Variants in IGF1R observed in about 807,000 individuals in gnomAD.
IGF1R encodes insulin like growth factor 1 receptor.
Under a neutral mutation model 144.6 loss-of-function variants are expected in IGF1R, and 44 were observed. The observed-to-expected ratio is 0.30, with a 90% confidence interval of 0.24 to 0.39. The LOEUF (loss-of-function observed/expected upper bound fraction) is 0.39. Among genes scored for constraint, IGF1R ranks in the 10% least tolerant of loss-of-function variants. The pLI, the probability that IGF1R is intolerant of heterozygous loss-of-function variation, is 1.00. For missense variants in IGF1R, 1,355 were observed against 1,833.7 expected (o/e 0.74, Z 4.77); for synonymous variants, 795 against 722.8 (o/e 1.10, Z -1.60).
intron 1 of IGF1R, among the ~76,000 whole-genome samples, chr15:98,688,940 G>C (rs1413353116): frequency 6.6e-6 from 1 of 152,174 alleles, no homozygotes; most frequent in African/African-American, 2.4e-5. Flanking sequence ...TGGGTTCTCA[G>C]ATGGCCTGAT....
intron 6 of IGF1R, among the ~76,000 whole-genome samples, chr15:98,909,559 C>T (rs1202326593): frequency 1.3e-5 from 2 of 152,150 alleles, no homozygotes; most frequent in Non-Finnish European, 2.9e-5. Flanking sequence ...ATGCCCTGTC[C>T]GATTATTTTT....
Position 98,963,213 on chromosome 15 carries a change from ATT to A in IGF1R, c.*5788_*5789del, listed in dbSNP as rs35151840. On this transcript the variant is annotated 3_prime_UTR_variant, in exon 21 of 21. Coordinates refer to ENST00000650285, the MANE Select transcript of IGF1R (RefSeq NM_000875.5). ...GTGTGCAAATGTGTGTTTGTGATCC[ATT>A]TTTTTTTTTTTTTTTTAGGACACCT... The A allele has an allele frequency of 0.28, 59,141 of 207,938 alleles. 3,605 individuals carry two copies. The highest frequency in any genetic ancestry group is 0.43 in the East Asian group (6,559 of 15,328). 12.9% of individuals were successfully genotyped at this position (207,938 alleles called of 1,614,324 possible).
At position 98,911,329 on chromosome 15, in the gene IGF1R, C is replaced by T. The variant is rs1450349295; in HGVS notation, c.1477C>T (p.Leu493=). 1.2e-6 allele frequency: 2 copies of T among 1,614,118 alleles called. No individual in the cohort carries two copies. Among genetic ancestry groups the T allele is most frequent in the South Asian group, 2.2e-5 (2 of 91,080 alleles). The change falls in exon 7 of 21, where the codon CTG becomes TTG. Residue 493 remains leucine, a synonymous_variant. Transcript: ENST00000650285. ...GERASCESDV[L]HFTSTTTSKN... is the part of the protein sequence containing the mutation. ...CTTTGCCCCAGGTGAAAGTGACGTC[C>T]TGCATTTCACCTCCACCACCACGTC... is the stretch of plus-strand genomic sequence containing the variant.
At chr15:98,874,425 A>C (rs1047058362) in intron 2 of IGF1R, among the ~76,000 whole-genome samples, 1 of 152,208 alleles carries the variant, frequency 6.6e-6, no homozygotes, top group Admixed American at 6.5e-5. Context: ...AGGGCAGTCC[A>C]TTTCAACATT....
chr15:98,668,715 G>A (rs578208195), intron 1 of IGF1R, among the ~76,000 whole-genome samples: 7 of 152,260 alleles, frequency 4.6e-5, no homozygotes, highest in African/African-American at 1.4e-4. Context: ...TCTGTTCCAT[G>A]TAAGTACATT....
intron 1 of IGF1R, among the ~76,000 whole-genome samples, chr15:98,685,189 C>G (rs2053295644): frequency 6.6e-6 from 1 of 152,146 alleles, no homozygotes; most frequent in Non-Finnish European, 1.5e-5. Context: ...AAGCAGTCCT[C>G]TCCCTCCAGC....
chr15:98,898,251 C>G (rs979516266), intron 4 of IGF1R, among the ~76,000 whole-genome samples: 1 of 152,198 alleles, frequency 6.6e-6, no homozygotes, highest in Non-Finnish European at 1.5e-5. Context: ...CTTTTGAGTG[C>G]CTAAACTTTT....
intron 2 of IGF1R, among the ~76,000 whole-genome samples, chr15:98,873,023 A>G (rs2012867356): frequency 1.3e-5 from 2 of 152,110 alleles, no homozygotes; most frequent in African/African-American, 2.4e-5. Context: ...GTACAGAGGA[A>G]TGCTACCTCG....
chr15:98,955,569 C>G (rs1242422920), intron 20 of IGF1R, among the ~76,000 whole-genome samples: 1 of 152,238 alleles, frequency 6.6e-6, no homozygotes, highest in Non-Finnish European at 1.5e-5. Flanking sequence ...CGCAGGCCCC[C>G]GGGCTCTAGA....
At chr15:98,726,506 G>T (rs557559795) in intron 2 of IGF1R, among the ~76,000 whole-genome samples, 2 of 152,016 alleles carry the variant, frequency 1.3e-5, no homozygotes, top group African/African-American at 4.8e-5. Flanking sequence ...TTAGCATGGC[G>T]CCCTCCCTCC....
chr15:98,681,477 G>A (rs1368812039), intron 1 of IGF1R, among the ~76,000 whole-genome samples: 1 of 152,200 alleles, frequency 6.6e-6, no homozygotes, highest in African/African-American at 2.4e-5. Context: ...ATTCCAAGGA[G>A]TAGTTCAAGG....
chr15:98,918,808 G>A (rs2015361896), intron 10 of IGF1R, among the ~76,000 whole-genome samples: 1 of 152,186 alleles, frequency 6.6e-6, no homozygotes, highest in Non-Finnish European at 1.5e-5. Context: ...GAACCCGGGA[G>A]GTGGAGGTTG....
In IGF1R at chr15:98,785,481, T is replaced by C. The variant is rs149584830; in HGVS notation, c.640+77374T>C. On this transcript the variant is annotated intron_variant, in intron 2 of 20. Coordinates refer to ENST00000650285, the MANE Select transcript of IGF1R (RefSeq NM_000875.5). ...CCAGGTAATCCAGAGTTAAAAATAA[T>C]GTTCATAAGGAAGGGTAGCAAAATT... 3.1e-3 allele frequency among the ~76,000 whole-genome samples: 478 copies of C among 152,272 alleles called. 3 individuals carry two copies. The highest frequency in any genetic ancestry group is 0.011 in the African/African-American group (455 of 41,564).
Position 98,729,592 on chromosome 15 carries a change from A to G in IGF1R, c.640+21485A>G, listed in dbSNP as rs144412607. Among the ~76,000 whole-genome samples, 3 of 147,588 alleles carry G rather than the reference A, an allele frequency of 2.0e-5. No individual in the cohort carries two copies. The East Asian group carries it at 5.9e-4, about 29-fold the overall frequency. Reference sequence around the variant, plus strand: ...TTTTTTTTTTTAAGTGAACCTTTCCACATCTCATTGTCCTTCAGTGAGAGC... The same window carrying G: ...TTTTTTTTTTTAAGTGAACCTTTCCGCATCTCATTGTCCTTCAGTGAGAGC... On this transcript the variant is annotated intron_variant, in intron 2 of 20. Transcript: ENST00000650285.
At chr15:98,888,056 T>C (rs1251321790) in intron 2 of IGF1R, among the ~76,000 whole-genome samples, 2 of 152,236 alleles carry the variant, frequency 1.3e-5, no homozygotes, top group South Asian at 2.1e-4. Context: ...AGCATTTACA[T>C]GTGATGTTCT....
chr15:98,728,036 G>T (rs2054407534), intron 2 of IGF1R, among the ~76,000 whole-genome samples: 1 of 129,372 alleles, frequency 7.7e-6, no homozygotes, highest in Non-Finnish European at 1.6e-5. Flanking sequence ...TTTTAAGCGA[G>T]CAGCAGCAAG....
intron 1 of IGF1R, among the ~76,000 whole-genome samples, chr15:98,653,201 A>G (rs1477633367): frequency 6.6e-6 from 1 of 152,186 alleles, no homozygotes; most frequent in Non-Finnish European, 1.5e-5. Flanking sequence ...GAGGAGCTGG[A>G]TTTAAAAAAC....
intron 2 of IGF1R, among the ~76,000 whole-genome samples, chr15:98,753,479 T>G (rs1302026047): frequency 7.0e-6 from 1 of 143,646 alleles, no homozygotes; most frequent in African/African-American, 2.6e-5. Flanking sequence ...GCGATCCACC[T>G]GCCTTGGCTT....
chr15:98,868,591 G>C (rs1333594073), intron 2 of IGF1R, among the ~76,000 whole-genome samples: 5 of 152,120 alleles, frequency 3.3e-5, no homozygotes, highest in Non-Finnish European at 7.4e-5. Context: ...CTGTTGGTTA[G>C]AAGCACTGAC....
Sources: gnomAD v4.1 joint callset for allele counts (sites outside exome capture counted in the v4.1 genomes callset) on GRCh38, gnomAD v4.1.1 for gene constraint, MANE v1.5 for transcripts, NCBI Gene and HGNC (gene_info 2026-07-23, HGNC 2026-07-21) for gene names.